LRRC4C: variants seen among roughly 807,000 people sequenced by gnomAD.
LRRC4C encodes the protein leucine rich repeat containing 4C, also known as leucine-rich repeat-containing protein 4C.
A neutral mutation model predicts 33.6 loss-of-function variants in LRRC4C; 5 were observed. The observed-to-expected ratio is 0.15, with a 90% CI of 0.08 to 0.31. The LOEUF (loss-of-function observed/expected upper bound fraction) is 0.31, where lower values mean the gene tolerates loss of function less well. Among genes scored for constraint, LRRC4C ranks in the 10% least tolerant of loss-of-function variants. The probability of loss-of-function intolerance (pLI) is 1.00; values close to 1 mark genes in which losing one functional copy is unlikely to be tolerated. For missense variants in LRRC4C, 560 were observed against 796.7 expected, an observed-to-expected ratio of 0.70 and a Z score of 3.58; for synonymous variants, 329 against 302.0, an observed-to-expected ratio of 1.09 and a Z score of -0.93.
chr11:40,257,509 A>G (rs145220474), intron 4 of LRRC4C, among the ~76,000 whole-genome samples: 1 of 152,132 alleles, frequency 6.6e-6, no homozygotes, highest in Non-Finnish European at 1.5e-5. Flanking sequence ...CCATGTGGCC[A>G]TGTGCTTCTG....
chr11:40,370,119 G>A (rs1565322025), intron 3 of LRRC4C, among the ~76,000 whole-genome samples: 1 of 152,152 alleles, frequency 6.6e-6, no homozygotes, highest in Non-Finnish European at 1.5e-5. Flanking sequence ...GAGTATGGAT[G>A]TGGGGATTTT....
intron 3 of LRRC4C, among the ~76,000 whole-genome samples, chr11:40,351,265 T>G (rs1353055698): frequency 1.3e-5 from 2 of 151,864 alleles, no homozygotes; most frequent in Non-Finnish European, 2.9e-5. Flanking sequence ...CCAAATAAGA[T>G]ACTTGATATG....
At chr11:40,704,965 G>T (rs1946074881) in intron 2 of LRRC4C, among the ~76,000 whole-genome samples, 1 of 151,908 alleles carries the variant, frequency 6.6e-6, no homozygotes, top group Non-Finnish European at 1.5e-5. Context: ...AATGTAAGAG[G>T]AATCCAGAAC....
rs554797331 is a variant in LRRC4C at position 40,415,133 on chromosome 11, G to A, written c.-269-95412C>T. Among the ~76,000 whole-genome samples the A allele has an allele frequency of 7.2e-5, 11 of 152,212 alleles. No individual in the cohort carries two copies. The East Asian group carries it at 7.7e-4, about 11-fold the overall frequency. On this transcript the variant is annotated intron_variant, in intron 3 of 6. Coordinates refer to ENST00000528697, the MANE Select transcript of LRRC4C (RefSeq NM_001258419.2). ...AGTATAAAATCACTGACCTCGTGCC[G>A]TTTGTGGCTTAATTATGGAGGCATA...
intron 1 of LRRC4C, among the ~76,000 whole-genome samples, chr11:41,379,701 T>C (rs1006992602): frequency 2.6e-5 from 4 of 152,096 alleles, no homozygotes; most frequent in African/African-American, 9.7e-5. Flanking sequence ...TGTTTCTTGA[T>C]GTTCCTGCCT....
chr11:40,839,247 T>C (rs1952810664), intron 2 of LRRC4C, among the ~76,000 whole-genome samples: 1 of 152,144 alleles, frequency 6.6e-6, no homozygotes. Flanking sequence ...TTTCTTTTCT[T>C]TTTTTGAGAC....
chr11:41,110,313 G>A (rs1941756183), intron 1 of LRRC4C, among the ~76,000 whole-genome samples: 1 of 151,980 alleles, frequency 6.6e-6, no homozygotes, highest in Non-Finnish European at 1.5e-5. Flanking sequence ...CAAAGTGCAA[G>A]CTTAATAATA....
chr11:41,015,580 C>G (rs916949405), intron 1 of LRRC4C, among the ~76,000 whole-genome samples: 1 of 152,076 alleles, frequency 6.6e-6, no homozygotes, highest in African/African-American at 2.4e-5. Context: ...TCCCAAAGTG[C>G]TAGGATTACA....
chr11:40,673,841 T>C (rs10742547), intron 2 of LRRC4C, among the ~76,000 whole-genome samples: 64,611 of 152,044 alleles, frequency 0.42, 14,092 homozygotes, highest in East Asian at 0.62. Context: ...ACGTTATGTA[T>C]GGAGGATGAA....
chr11:40,115,182 C>T lies in LRRC4C; in HGVS notation c.1111G>A (p.Ala371Thr). ...GTGGAGGCCCGACATTTCAGCTCAG[C>T]TGCCATGCCTTCAGTGACATTGAGG... ...ADLNVTEGMA[A>T]ELKCRASTSL... The change falls in exon 7 of 7, where the codon GCT (alanine) becomes ACT (threonine). Residue 371 changes from alanine (A) to threonine (T), a missense_variant. By Grantham distance (58) the Ala-to-Thr change is moderately conservative (BLOSUM62 0). Transcript: ENST00000528697. The surrounding 1 kb of genome is among the most constrained non-coding windows in gnomAD (Gnocchi z 6.7). The T allele has an allele frequency of 4.3e-6, 7 of 1,614,212 alleles. No individual in the cohort carries two copies. Among genetic ancestry groups the T allele is most frequent in the Non-Finnish European group, 5.9e-6 (7 of 1,180,036 alleles).
At chr11:40,775,230 G>A (rs1203518122) in intron 2 of LRRC4C, among the ~76,000 whole-genome samples, 1 of 151,948 alleles carries the variant, frequency 6.6e-6, no homozygotes, top group Admixed American at 6.6e-5. Flanking sequence ...CTAACATGGT[G>A]AAACCCCATC....
rs532910267 is a variant in LRRC4C, at chr11:40,216,827, G to A, written c.-96+24692C>T. Among the ~76,000 whole-genome samples the A allele has an allele frequency of 7.9e-5, 12 of 152,260 alleles. 1 individual carries two copies. The South Asian group carries it at 2.1e-3, about 26-fold the overall frequency. ...CATGGAAGACCGCAAGTTCTTTAGC[G>A]GGTTGGGGAATTCAGGGATGGACAG... On this transcript the variant is annotated intron_variant, in intron 5 of 6. Transcript: ENST00000528697.
intron 4 of LRRC4C, among the ~76,000 whole-genome samples, chr11:40,308,086 A>T (rs1945125326): frequency 6.6e-6 from 1 of 152,218 alleles, no homozygotes; most frequent in Admixed American, 6.5e-5. Flanking sequence ...TGCTTTATTA[A>T]TCAAAAAAGA....
intron 1 of LRRC4C, among the ~76,000 whole-genome samples, chr11:41,309,958 C>T (rs1950602312): frequency 6.6e-6 from 1 of 152,220 alleles, no homozygotes; most frequent in African/African-American, 2.4e-5. Flanking sequence ...TTCAACTGCG[C>T]TTTGATGTGT....
chr11:40,575,363 C>T (rs552856830), intron 3 of LRRC4C, among the ~76,000 whole-genome samples: 4 of 151,264 alleles, frequency 2.6e-5, no homozygotes, highest in South Asian at 2.1e-4. Context: ...ATACAACCTT[C>T]GAAATTTGTC....
intron 2 of LRRC4C, among the ~76,000 whole-genome samples, chr11:40,832,545 T>C (rs11036094): frequency 0.11 from 16,198 of 152,080 alleles, 884 homozygotes; most frequent in South Asian, 0.14. Context: ...GAATCAGAAG[T>C]GCCTTGAGGA....
At chr11:40,427,455 C>A (rs1950758629) in intron 3 of LRRC4C, among the ~76,000 whole-genome samples, 1 of 152,012 alleles carries the variant, frequency 6.6e-6, no homozygotes. Context: ...TGCAGTGAGC[C>A]AAGATTGCAC....
chr11:40,680,035 G>C (rs1490898746), intron 2 of LRRC4C, among the ~76,000 whole-genome samples: 2 of 152,178 alleles, frequency 1.3e-5, no homozygotes, highest in Non-Finnish European at 2.9e-5. Flanking sequence ...CGCTACCCAA[G>C]ATTATGGGAA....
intron 2 of LRRC4C, among the ~76,000 whole-genome samples, chr11:40,878,488 C>T (rs892291677): frequency 6.6e-6 from 1 of 152,160 alleles, no homozygotes; most frequent in Non-Finnish European, 1.5e-5. Context: ...CTAGAGCCCT[C>T]GCATGTGCAA....
Sources: gnomAD v4.1 joint callset for allele counts (sites outside exome capture counted in the v4.1 genomes callset) on GRCh38, gnomAD v4.1.1 for gene constraint, Gnocchi (gnomAD v3.1) non-coding constraint, MANE v1.5 for transcripts, NCBI Gene and HGNC (gene_info 2026-07-23, HGNC 2026-07-21) for gene names.